The following KCND2 variants were observed in gnomAD, a reference collection of about 807,000 sequenced individuals.
The protein encoded by KCND2 is A-type voltage-gated potassium channel KCND2.
In KCND2, 16 loss-of-function variants were observed where a neutral mutation model predicts 54.4. The observed-to-expected ratio is 0.29, with a 90% CI of 0.20 to 0.45. The LOEUF (loss-of-function observed/expected upper bound fraction) is 0.45, where lower values mean the gene tolerates loss of function less well. Among genes scored for constraint, KCND2 ranks in the 20% least tolerant of loss-of-function variants. The probability of loss-of-function intolerance (pLI) is 1.00; values close to 1 mark genes in which losing one functional copy is unlikely to be tolerated. For missense variants in KCND2, 486 were observed against 824.2 expected, an observed-to-expected ratio of 0.59 and a Z score of 5.02; for synonymous variants, 317 against 310.7, an observed-to-expected ratio of 1.02 and a Z score of -0.21.
At chr7:120,595,465 ATATATATATATATATGTG>A (rs1461494858) in intron 1 of KCND2, among the ~76,000 whole-genome samples, 3 of 125,656 alleles carry the variant, frequency 2.4e-5, no homozygotes, top group South Asian at 2.6e-4. Context: ...AAAAAAATAT[ATATATATATATATATGTG>A]TATATATATA....
intron 1 of KCND2, among the ~76,000 whole-genome samples, chr7:120,556,209 G>C (rs530117229): frequency 6.6e-6 from 1 of 152,052 alleles, no homozygotes; most frequent in Non-Finnish European, 1.5e-5. Flanking sequence ...CTCTCAATGC[G>C]TCCGAAATGA....
intron 1 of KCND2, among the ~76,000 whole-genome samples, chr7:120,659,059 G>A (rs945487430): frequency 2.6e-5 from 4 of 152,272 alleles, no homozygotes; most frequent in Middle Eastern, 3.4e-3. Flanking sequence ...ATTTTTGTTA[G>A]GATTAGAGAG....
chr7:120,505,227 G>A (rs1315771323), intron 1 of KCND2, among the ~76,000 whole-genome samples: 1 of 151,530 alleles, frequency 6.6e-6, no homozygotes, highest in African/African-American at 2.4e-5. Flanking sequence ...GGTGGCCAAA[G>A]ATAACAACAT....
chr7:120,512,456 G>A (rs1438050081), intron 1 of KCND2, among the ~76,000 whole-genome samples: 3 of 151,482 alleles, frequency 2.0e-5, no homozygotes, highest in Non-Finnish European at 4.4e-5. Context: ...GACTACATTA[G>A]CATCACATCA....
intron 1 of KCND2, among the ~76,000 whole-genome samples, chr7:120,312,521 G>C (rs1584724959): frequency 2.6e-5 from 4 of 152,158 alleles, no homozygotes; most frequent in African/African-American, 7.2e-5. Context: ...GCTAGCGAGT[G>C]ATTTGTAGAA....
chr7:120,470,357 T>C (rs1802436417), intron 1 of KCND2, among the ~76,000 whole-genome samples: 1 of 152,152 alleles, frequency 6.6e-6, no homozygotes, highest in Non-Finnish European at 1.5e-5. Context: ...GCATTTATTC[T>C]TGTAGACTCT....
intron 1 of KCND2, among the ~76,000 whole-genome samples, chr7:120,727,276 G>A (rs992942485): frequency 1.3e-5 from 2 of 152,182 alleles, no homozygotes; most frequent in African/African-American, 2.4e-5. Flanking sequence ...AACTAGTCAT[G>A]CAACTTCTGA....
intron 1 of KCND2, among the ~76,000 whole-genome samples, chr7:120,426,417 A>G (rs1057384025): frequency 6.6e-6 from 1 of 152,096 alleles, no homozygotes; most frequent in African/African-American, 2.4e-5. Context: ...TGTTTCCAAG[A>G]TTTTGATGGT....
intron 1 of KCND2, among the ~76,000 whole-genome samples, chr7:120,562,800 A>T (rs1183996926): frequency 6.6e-6 from 1 of 152,206 alleles, no homozygotes; most frequent in Non-Finnish European, 1.5e-5. Flanking sequence ...CAGAAACTGC[A>T]CTTGGCTCTA....
chr7:120,401,365 G>C (rs1801250449), intron 1 of KCND2, among the ~76,000 whole-genome samples: 1 of 152,106 alleles, frequency 6.6e-6, no homozygotes, highest in South Asian at 2.1e-4. Context: ...GCTGTTCCCA[G>C]AGTTAGATAT....
chr7:120,399,139 C>T (rs1349899317), intron 1 of KCND2, among the ~76,000 whole-genome samples: 1 of 151,732 alleles, frequency 6.6e-6, no homozygotes, highest in African/African-American at 2.4e-5. Context: ...CTTGTATTCC[C>T]TTTAGTGTTG....
chr7:120,462,671 A>G (rs1190301646), intron 1 of KCND2, among the ~76,000 whole-genome samples: 4 of 151,972 alleles, frequency 2.6e-5, no homozygotes, highest in Non-Finnish European at 5.9e-5. Flanking sequence ...ATAATCATTT[A>G]CCTTGTTACC....
At chr7:120,455,618 G>A (rs1464416549) in intron 1 of KCND2, among the ~76,000 whole-genome samples, 1 of 152,150 alleles carries the variant, frequency 6.6e-6, no homozygotes. Flanking sequence ...TGAAGAAAAT[G>A]TGATACATAT....
At chr7:120,530,825 G>A (rs925820588) in intron 1 of KCND2, among the ~76,000 whole-genome samples, 3 of 151,744 alleles carry the variant, frequency 2.0e-5, no homozygotes, top group East Asian at 1.9e-4. Context: ...TGACACTACC[G>A]TATTATTATT....
intron 1 of KCND2, among the ~76,000 whole-genome samples, chr7:120,661,209 C>A (rs1280863109): frequency 6.6e-6 from 1 of 152,178 alleles, no homozygotes; most frequent in Non-Finnish European, 1.5e-5. Context: ...GAGACCAAAA[C>A]CTCTATTTCT....
chr7:120,463,900 T>G (rs1802324570), intron 1 of KCND2: 1 of 185,742 alleles, frequency 5.4e-6, no homozygotes, highest in Middle Eastern at 2.6e-3. Context: ...AGATAGATGA[T>G]TGATAGATAG....
intron 1 of KCND2, among the ~76,000 whole-genome samples, chr7:120,628,998 A>C (rs1793195297): frequency 6.6e-6 from 1 of 152,232 alleles, no homozygotes; most frequent in Non-Finnish European, 1.5e-5. Context: ...GAGTGATATG[A>C]GTAATGCTAT....
intron 1 of KCND2, among the ~76,000 whole-genome samples, chr7:120,534,678 T>G (rs1791881028): frequency 6.6e-6 from 1 of 152,268 alleles, no homozygotes; most frequent in Middle Eastern, 3.4e-3. Flanking sequence ...TATAGTAATA[T>G]AAGATGCTGG....
chr7:120,445,416 G>A (rs1354489825), intron 1 of KCND2, among the ~76,000 whole-genome samples: 1 of 152,088 alleles, frequency 6.6e-6, no homozygotes, highest in Non-Finnish European at 1.5e-5. Context: ...ATGGTTAGGA[G>A]GACAGTCTCT....
Sources: allele counts gnomAD v4.1 joint callset (sites outside exome capture counted in the v4.1 genomes callset), GRCh38; gene constraint gnomAD v4.1.1; transcripts MANE v1.5; gene names NCBI Gene and HGNC (gene_info 2026-07-23, HGNC 2026-07-21).